Variants in PAPPA observed in about 807,000 individuals in gnomAD.
The protein encoded by PAPPA is pappalysin 1.
In PAPPA, 60 loss-of-function variants were observed where a neutral mutation model predicts 164.0. That is an observed-to-expected ratio of 0.37 (90% confidence interval 0.30 to 0.45). The LOEUF (loss-of-function observed/expected upper bound fraction) is 0.45. PAPPA is among the 20% of genes least tolerant of loss of function. The pLI is 1.00. For synonymous variants in PAPPA, 875 were observed against 814.1 expected, an observed-to-expected ratio of 1.07 and a Z score of -1.27; for missense variants, 1,782 against 2,087.3, an observed-to-expected ratio of 0.85 and a Z score of 2.85.
chr9:116,220,111 A>T lies in PAPPA; in HGVS notation c.2093A>T (p.Asp698Val). 1 of 1,613,390 alleles carries T rather than the reference A, an allele frequency of 6.2e-7. No individual in the cohort carries two copies. Among genetic ancestry groups the T allele is most frequent in the Non-Finnish European group, 8.5e-7 (1 of 1,179,736 alleles). Residue 698 changes from aspartate (D) to valine (V), a missense_variant, in exon 5 of 22, where the codon GAT becomes GTT. Coordinates refer to ENST00000328252, the MANE Select transcript of PAPPA (RefSeq NM_002581.5). ...SVTLEWFPPI[D>V]GHFFERELGS... is the part of the protein sequence containing the mutation. The stretch of plus-strand genomic sequence containing the variant: ...ACACTGGAGTGGTTCCCACCTATAG[A>T]TGGCCATTTCTTTGAAAGGTGAGTG...
chr9:116,234,270 C>G (rs1382089360), intron 6 of PAPPA, among the ~76,000 whole-genome samples: 1 of 152,106 alleles, frequency 6.6e-6, no homozygotes, highest in African/African-American at 2.4e-5. Context: ...GGCATCATCT[C>G]CCTAGGGAAA....
chr9:116,360,393 C>A (rs1846409639), intron 17 of PAPPA, among the ~76,000 whole-genome samples: 1 of 152,190 alleles, frequency 6.6e-6, no homozygotes, highest in East Asian at 1.9e-4. Context: ...CACCCTTCTC[C>A]CAAGGCCAGA....
At chr9:116,196,392 C>G (rs567215009) in intron 2 of PAPPA, among the ~76,000 whole-genome samples, 2 of 152,330 alleles carry the variant, frequency 1.3e-5, no homozygotes, top group African/African-American at 4.8e-5. Context: ...CTTTCTGCAT[C>G]CACTGATGAC....
At chr9:116,225,076 C>G (rs1844489591) in intron 5 of PAPPA, among the ~76,000 whole-genome samples, 2 of 152,198 alleles carry the variant, frequency 1.3e-5, no homozygotes, top group Non-Finnish European at 2.9e-5. Flanking sequence ...TTCACTGAAA[C>G]TCAGGTGGCT....
intron 9 of PAPPA, among the ~76,000 whole-genome samples, chr9:116,275,309 A>G (rs922758558): frequency 6.6e-6 from 1 of 152,168 alleles, no homozygotes; most frequent in African/African-American, 2.4e-5. Context: ...ACTTTTCTCT[A>G]TGTGTGTTTG....
chr9:116,291,113 T>C (rs1845430503), intron 9 of PAPPA, among the ~76,000 whole-genome samples: 1 of 152,210 alleles, frequency 6.6e-6, no homozygotes, highest in Admixed American at 6.5e-5. Context: ...TAAGGATTAC[T>C]ATCTTTGCTT....
At chr9:116,172,103 T>C (rs1205563681) in intron 1 of PAPPA, among the ~76,000 whole-genome samples, 1 of 152,200 alleles carries the variant, frequency 6.6e-6, no homozygotes, top group Non-Finnish European at 1.5e-5. Context: ...ATTTTGCATA[T>C]GTTAACTCTT....
At chr9:116,246,238 C>T (rs1402341490) in intron 7 of PAPPA, among the ~76,000 whole-genome samples, 1 of 152,104 alleles carries the variant, frequency 6.6e-6, no homozygotes, top group Non-Finnish European at 1.5e-5. Context: ...ATGTCCTCAA[C>T]AGATTTTTCC....
chr9:116,246,001 G>A (rs932090893), intron 7 of PAPPA, among the ~76,000 whole-genome samples: 2 of 152,102 alleles, frequency 1.3e-5, no homozygotes, highest in African/African-American at 4.8e-5. Flanking sequence ...CATCCAAATA[G>A]AAAGAAAGCA....
intron 2 of PAPPA, among the ~76,000 whole-genome samples, chr9:116,195,234 T>G (rs555927340): frequency 6.6e-6 from 1 of 152,274 alleles, no homozygotes; most frequent in African/African-American, 2.4e-5. Flanking sequence ...TCAGTCTGGG[T>G]TTTCTTCATG....
chr9:116,223,652 A>G (rs1194623768), intron 5 of PAPPA, among the ~76,000 whole-genome samples: 1 of 152,238 alleles, frequency 6.6e-6, no homozygotes, highest in Admixed American at 6.5e-5. Context: ...TCTATGGCTA[A>G]AAGAAGTCAG....
At position 116,398,450 on chromosome 9, in the gene PAPPA, G is replaced by C. The variant is rs1360567614; in HGVS notation, c.*1834G>C. On this transcript the variant is annotated 3_prime_UTR_variant, in exon 22 of 22. Coordinates refer to ENST00000328252, the MANE Select transcript of PAPPA (RefSeq NM_002581.5). ...AGCCCCACCTAATTCCTGCATCCAA[G>C]GCAGGTGTTGTTAATCTATCATAGC... 3.7e-6 allele frequency: 2 copies of C among 543,430 alleles called. No individual in the cohort carries two copies. Among genetic ancestry groups the C allele is most frequent in the Non-Finnish European group, 2.8e-6 (1 of 351,976 alleles). The allele number at this position is 543,430 out of a possible 1,614,324, so 33.7% of individuals were successfully genotyped here.
intron 7 of PAPPA, among the ~76,000 whole-genome samples, chr9:116,256,204 G>A (rs1399075083): frequency 6.6e-6 from 1 of 151,832 alleles, no homozygotes; most frequent in Non-Finnish European, 1.5e-5. Context: ...AACAACCTAA[G>A]GGCTTTTTAC....
In PAPPA at chr9:116,235,333, A is replaced by T; in HGVS notation, c.2428A>T (p.Ser810Cys). Residue 810 changes from serine to cysteine, a missense_variant, in exon 7 of 22, where the codon AGT becomes TGT. Physicochemically the swap from Ser to Cys is moderately radical, Grantham distance 112 (BLOSUM62 -1). Coordinates refer to ENST00000328252, the MANE Select transcript of PAPPA (RefSeq NM_002581.5). ...VTFVSTDWDS[S>C]GAVNDIKLLA... is the part of the protein sequence containing the mutation. Reference sequence around the variant, plus strand: ...CTTTGTCTCCACTGACTGGGACTCTAGTGGAGCTGTCAATGACATCAAACT... The same window carrying T: ...CTTTGTCTCCACTGACTGGGACTCTTGTGGAGCTGTCAATGACATCAAACT... 6 of 1,614,034 alleles carry T rather than the reference A, an allele frequency of 3.7e-6. No homozygotes were observed. The highest frequency in any genetic ancestry group is 5.1e-6 in the Non-Finnish European group (6 of 1,179,976).
intron 7 of PAPPA, among the ~76,000 whole-genome samples, chr9:116,239,133 C>T (rs560711068): frequency 3.4e-4 from 52 of 152,082 alleles, no homozygotes; most frequent in Non-Finnish European, 7.1e-4. Context: ...GTTATCTACA[C>T]TGGAGATAGT....
intron 10 of PAPPA, among the ~76,000 whole-genome samples, chr9:116,317,542 G>GT (rs1845802435): frequency 6.6e-6 from 1 of 152,240 alleles, no homozygotes; most frequent in South Asian, 2.1e-4. Context: ...GTAGATTTTT[G>GT]TTTTTTATCT....
chr9:116,342,626 G>T (rs892028144), intron 13 of PAPPA, among the ~76,000 whole-genome samples: 5 of 152,030 alleles, frequency 3.3e-5, no homozygotes, highest in Admixed American at 6.6e-5. Context: ...CCTCAGTTGG[G>T]TATCGTGAAA....
chr9:116,252,385 G>C (rs907946976), intron 7 of PAPPA, among the ~76,000 whole-genome samples: 2 of 152,208 alleles, frequency 1.3e-5, no homozygotes, highest in South Asian at 2.1e-4. Flanking sequence ...GTGACCACCA[G>C]GAGAAATAAG....
intron 4 of PAPPA, among the ~76,000 whole-genome samples, chr9:116,217,668 A>G (rs1048965030): frequency 2.6e-5 from 4 of 152,054 alleles, no homozygotes; most frequent in Non-Finnish European, 4.4e-5. Flanking sequence ...CACACACCAC[A>G]CACACACTAT....
Sources: gnomAD v4.1 joint callset for allele counts (sites outside exome capture counted in the v4.1 genomes callset) on GRCh38, gnomAD v4.1.1 for gene constraint, MANE v1.5 for transcripts, NCBI Gene and HGNC (gene_info 2026-07-23, HGNC 2026-07-21) for gene names.